The following PUM3 variants were observed in gnomAD, a reference collection of about 807,000 sequenced individuals.
The protein encoded by PUM3 is pumilio RNA binding family member 3, also known as pumilio homolog 3.
A neutral mutation model predicts 84.0 loss-of-function variants in PUM3; 91 were observed. The observed-to-expected ratio is 1.08, with a 90% CI of 0.91 to 1.29. PUM3 has a LOEUF of 1.29. PUM3 is among the 50% of genes most tolerant of loss of function. The pLI is 0.00. For missense variants in PUM3, 1,067 were observed against 767.5 expected, an observed-to-expected ratio of 1.39 and a Z score of -4.61; for synonymous variants, 321 against 266.7, an observed-to-expected ratio of 1.20 and a Z score of -1.98.
intron 1 of PUM3, among the ~76,000 whole-genome samples, chr9:2,842,866 C>A (rs1297212035): frequency 1.3e-5 from 2 of 152,128 alleles, no homozygotes; most frequent in African/African-American, 4.8e-5. Context: ...TTTTTCCCTG[C>A]CCTATCGTCC....
At chr9:2,812,708 C>G (rs1821397953) in intron 13 of PUM3, among the ~76,000 whole-genome samples, 1 of 152,200 alleles carries the variant, frequency 6.6e-6, no homozygotes, top group African/African-American at 2.4e-5. Context: ...ACATTTAGAA[C>G]ACAGAATCAA....
chr9:2,829,146 C>T (rs574892786), intron 8 of PUM3, among the ~76,000 whole-genome samples: 3 of 152,318 alleles, frequency 2.0e-5, no homozygotes, highest in East Asian at 1.9e-4. Flanking sequence ...AAAATTAGTA[C>T]AGCAACAAAT....
In PUM3 at chr9:2,838,519, T is replaced by C. The variant is rs779153747; in HGVS notation, c.-10-2A>G. On this transcript the variant is annotated splice_acceptor_variant, in intron 1 of 17. Transcript: ENST00000397885. LOFTEE classifies it low-confidence loss of function (5UTR_SPLICE). ...CCTTTAACTTCCATCGTAGCAACTCTGGAAAACCAAAACCAAAACCAAAAA... is the reference window on the plus strand; with the variant it reads ...CCTTTAACTTCCATCGTAGCAACTCCGGAAAACCAAAACCAAAACCAAAAA... 4.4e-6 allele frequency: 7 copies of C among 1,608,720 alleles called. No homozygotes were observed. The highest frequency in any genetic ancestry group is 1.7e-4 in the Middle Eastern group (1 of 6,052).
intron 3 of PUM3, among the ~76,000 whole-genome samples, chr9:2,836,398 G>C (rs1200710394): frequency 6.6e-6 from 1 of 152,196 alleles, no homozygotes; most frequent in East Asian, 1.9e-4. Context: ...GCTTGTTTGA[G>C]ATCAGTGCAG....
At chr9:2,831,649 C>G (rs1815984631) in intron 5 of PUM3, among the ~76,000 whole-genome samples, 2 of 152,130 alleles carry the variant, frequency 1.3e-5, no homozygotes, top group African/African-American at 4.8e-5. Flanking sequence ...ATTATACAGA[C>G]TATACTTCTC....
intron 4 of PUM3, 70 bp downstream of exon 4, chr9:2,833,961 T>C: frequency 1.3e-6 from 2 of 1,495,160 alleles, no homozygotes; most frequent in Non-Finnish European, 1.8e-6. Flanking sequence ...GACATCTCAC[T>C]ATTTACAAGG....
In PUM3 at chr9:2,833,426, G is replaced by T; in HGVS notation, c.447C>A (p.Asp149Glu). 1 of 1,561,078 alleles carries T rather than the reference G, an allele frequency of 6.4e-7. No homozygotes were observed. Among genetic ancestry groups the T allele is most frequent in the Non-Finnish European group, 8.8e-7 (1 of 1,136,882 alleles). Residue 149 changes from aspartate (D) to glutamate (E), a missense_variant, in exon 5 of 18, where the codon GAC becomes GAA. Transcript: ENST00000397885. ...ACTTTACTCTTTTTTCTTTGTCACA[G>T]TCTTTTCTACAAATGAGGAGAGGAA... ...KQMWEILRRK[D>E]CDKEKRVKLM...
At chr9:2,833,295 AC>A (rs1193474245) in intron 5 of PUM3, 61 bp downstream of exon 5, 1 of 818,738 alleles carries the variant, frequency 1.2e-6, no homozygotes, top group East Asian at 2.6e-5. Context: ...ATGGTCAGCT[AC>A]TCCTGAGAGT....
intron 5 of PUM3, among the ~76,000 whole-genome samples, chr9:2,832,292 A>G (rs1816004157): frequency 6.6e-6 from 1 of 152,220 alleles, no homozygotes. Context: ...AATAAGAATG[A>G]GCTGTTACTA....
At chr9:2,805,353 C>T (rs1454339754) in intron 17 of PUM3, among the ~76,000 whole-genome samples, 1 of 152,226 alleles carries the variant, frequency 6.6e-6, no homozygotes, top group African/African-American at 2.4e-5. Flanking sequence ...ATAGGACCTA[C>T]AGCTCTGACC....
At chr9:2,821,459 A>AAAAAAAAAAAAAC (rs1815623843) in intron 12 of PUM3, among the ~76,000 whole-genome samples, 1 of 150,290 alleles carries the variant, frequency 6.7e-6, no homozygotes, top group Non-Finnish European at 1.5e-5. Flanking sequence ...AAAAAAAAAA[A>AAAAAAAAAAAAAC]AAAGAACATG....
intron 13 of PUM3, among the ~76,000 whole-genome samples, chr9:2,813,024 T>C (rs961798004): frequency 1.3e-5 from 2 of 152,212 alleles, no homozygotes; most frequent in African/African-American, 4.8e-5. Context: ...TAAAGTTAGG[T>C]TGCTTATTCA....
intron 10 of PUM3, 81 bp from the exon 11 acceptor site, chr9:2,824,896 C>A (rs778197589): frequency 1.1e-6 from 1 of 890,648 alleles, no homozygotes; most frequent in Non-Finnish European, 1.6e-6. Context: ...CTACAGGGGG[C>A]AGTTATGCAG....
rs535910145 is a variant in PUM3 at position 2,818,929 on chromosome 9, C to T, written c.1269+1089G>A. Among the ~76,000 whole-genome samples, 37 of 152,336 alleles carry T rather than the reference C, an allele frequency of 2.4e-4. 1 individual carries two copies. The South Asian group carries it at 7.5e-3, about 31-fold the overall frequency. On this transcript the variant is annotated intron_variant, in intron 13 of 17. Transcript: ENST00000397885. ...AGGAGGCTACAAAGAGAGACCACAA[C>T]ACCACCACCTGACAACAGGTAAATT...
intron 13 of PUM3, among the ~76,000 whole-genome samples, chr9:2,813,863 A>G (rs1821417396): frequency 6.6e-6 from 1 of 152,200 alleles, no homozygotes; most frequent in South Asian, 2.1e-4. Context: ...AACACTCGTT[A>G]AGTGCTTACT....
At chr9:2,831,575 T>C (rs905746798) in intron 5 of PUM3, among the ~76,000 whole-genome samples, 37 of 152,156 alleles carry the variant, frequency 2.4e-4, no homozygotes, top group Admixed American at 1.5e-3. Flanking sequence ...CAAGGATAAA[T>C]TTAACCATTT....
intron 13 of PUM3, among the ~76,000 whole-genome samples, chr9:2,818,191 A>G (rs1303359029): frequency 6.6e-6 from 1 of 152,244 alleles, no homozygotes; most frequent in Non-Finnish European, 1.5e-5. Flanking sequence ...GGCAATTAGC[A>G]TTCCAGAATT....
chr9:2,814,087 C>T (rs1455755044), intron 13 of PUM3, among the ~76,000 whole-genome samples: 2 of 152,292 alleles, frequency 1.3e-5, no homozygotes, highest in Admixed American at 1.3e-4. Context: ...TAACTAATTA[C>T]AACCACTCAG....
At chr9:2,822,674 T>C (rs1400817467) in intron 12 of PUM3, among the ~76,000 whole-genome samples, 1 of 149,664 alleles carries the variant, frequency 6.7e-6, no homozygotes, top group East Asian at 1.9e-4. Context: ...CGCAAAAAAA[T>C]TTACTTAATA....
Sources: gnomAD v4.1 joint callset for allele counts (sites outside exome capture counted in the v4.1 genomes callset) on GRCh38, gnomAD v4.1.1 for gene constraint, MANE v1.5 for transcripts, NCBI Gene and HGNC (gene_info 2026-07-23, HGNC 2026-07-21) for gene names.